PTPRN2: variants seen among roughly 807,000 people sequenced by gnomAD.
The protein encoded by PTPRN2 is receptor-type tyrosine-protein phosphatase N2.
PTPRN2 carries 74 observed loss-of-function variants against 118.8 expected under a neutral mutation model. The ratio of observed to expected loss-of-function variants is 0.62; its 90% CI spans 0.52 to 0.76. The LOEUF is 0.76. Among genes scored for constraint, PTPRN2 ranks in the 30% least tolerant of loss-of-function variants. PTPRN2 has a pLI of 0.00. For missense variants in PTPRN2, 1,481 were observed against 1,394.4 expected, an observed-to-expected ratio of 1.06 and a Z score of -0.99; for synonymous variants, 641 against 608.0, an observed-to-expected ratio of 1.05 and a Z score of -0.80.
At chr7:158,215,786 A>T (rs1028996786) in intron 3 of PTPRN2, among the ~76,000 whole-genome samples, 1 of 152,212 alleles carries the variant, frequency 6.6e-6, no homozygotes, top group East Asian at 1.9e-4. Context: ...CAGTGAAGTT[A>T]TCCTTCAGGA....
intron 11 of PTPRN2, among the ~76,000 whole-genome samples, chr7:157,981,895 A>C (rs1441295946): frequency 6.6e-6 from 1 of 152,264 alleles, no homozygotes; most frequent in Non-Finnish European, 1.5e-5. Context: ...TGCCACCTGG[A>C]GGTTGTTAGA....
At chr7:157,716,096 C>T (rs116224837) in intron 12 of PTPRN2, among the ~76,000 whole-genome samples, 4,453 of 152,332 alleles carry the variant, frequency 0.029, 195 homozygotes, top group African/African-American at 0.093. Flanking sequence ...AGCTCCCGGG[C>T]CATCCCTTTG....
chr7:157,822,493 T>C (rs1259756206), intron 12 of PTPRN2, among the ~76,000 whole-genome samples: 1 of 151,980 alleles, frequency 6.6e-6, no homozygotes, highest in Non-Finnish European at 1.5e-5. Flanking sequence ...CTATCCATCA[T>C]CCATCCACCT....
intron 2 of PTPRN2, among the ~76,000 whole-genome samples, chr7:158,404,799 C>T (rs1254003664): frequency 6.9e-6 from 1 of 145,706 alleles, no homozygotes; most frequent in Non-Finnish European, 1.5e-5. Context: ...CCTCCAGCTC[C>T]CTGGCCCCCA....
At chr7:158,030,149 T>A (rs569640448) in intron 11 of PTPRN2, 1 of 152,322 alleles carries the variant, frequency 6.6e-6, no homozygotes, top group East Asian at 1.9e-4. Context: ...TGTGACCAGG[T>A]CAGAGTGCAG....
At chr7:158,073,017 G>A (rs1812058237) in intron 11 of PTPRN2, among the ~76,000 whole-genome samples, 1 of 152,122 alleles carries the variant, frequency 6.6e-6, no homozygotes, top group East Asian at 1.9e-4. Flanking sequence ...CTACAGGGCA[G>A]GACTCCTGGG....
intron 2 of PTPRN2, among the ~76,000 whole-genome samples, chr7:158,469,656 A>G (rs1488343822): frequency 1.3e-5 from 2 of 151,522 alleles, no homozygotes; most frequent in Non-Finnish European, 2.9e-5. Flanking sequence ...GAGAACGACA[A>G]CAGCAAGATG....
chr7:158,286,647 T>C (rs1157810561), intron 3 of PTPRN2, among the ~76,000 whole-genome samples: 3 of 152,240 alleles, frequency 2.0e-5, no homozygotes, highest in South Asian at 4.1e-4. Context: ...ATGTGGCATA[T>C]CACATTAATA....
At chr7:158,243,208 G>A (rs907625605) in intron 3 of PTPRN2, among the ~76,000 whole-genome samples, 12 of 152,196 alleles carry the variant, frequency 7.9e-5, no homozygotes, top group African/African-American at 2.9e-4. Flanking sequence ...TGTGATCAGA[G>A]CAGACACAGC....
chr7:158,572,084 A>T (rs1009274822), intron 1 of PTPRN2, among the ~76,000 whole-genome samples: 1 of 152,194 alleles, frequency 6.6e-6, no homozygotes, highest in African/African-American at 2.4e-5. Flanking sequence ...AAGGTTCAGG[A>T]GCTTCTGGAA....
At chr7:157,562,696 TCAGGACCACATGCTCCCGC>T (rs1799252675) in intron 21 of PTPRN2, among the ~76,000 whole-genome samples, 1 of 149,378 alleles carries the variant, frequency 6.7e-6, no homozygotes, top group Non-Finnish European at 1.5e-5. Context: ...ACACAGCAGA[TCAGGACCACATGCTCCCGC>T]GTCACCACAC....
chr7:158,327,217 A>G (rs1803674321), intron 2 of PTPRN2, among the ~76,000 whole-genome samples: 1 of 151,956 alleles, frequency 6.6e-6, no homozygotes, highest in Non-Finnish European at 1.5e-5. Context: ...TCTCAAACAC[A>G]CACGTAAACA....
At chr7:157,759,057 T>G (rs1343643881) in intron 12 of PTPRN2, among the ~76,000 whole-genome samples, 1 of 152,246 alleles carries the variant, frequency 6.6e-6, no homozygotes, top group African/African-American at 2.4e-5. Flanking sequence ...AAAAGGCAAG[T>G]GACTCTATTA....
rs1249850797 is a variant in PTPRN2 at position 158,574,302 on chromosome 7, G to A, written c.112+13256C>T. ...TTTTAGTGAATACAAAGAAGTTTTT[G>A]TATCTTCAGCAAAATATTTTAATCA... is the stretch of plus-strand genomic sequence containing the variant. On this transcript the variant is annotated intron_variant, in intron 1 of 22. Transcript: ENST00000389418. This position sits in a 1 kb window ranked among gnomAD's most constrained non-coding sequence, Gnocchi z 4.6. 4.6e-5 allele frequency among the ~76,000 whole-genome samples: 7 copies of A among 152,156 alleles called. No individual in the cohort carries two copies. Among genetic ancestry groups the A allele is most frequent in the Non-Finnish European group, 8.8e-5 (6 of 68,010 alleles).
intron 2 of PTPRN2, among the ~76,000 whole-genome samples, chr7:158,354,585 G>A (rs1808245706): frequency 6.6e-6 from 1 of 152,172 alleles, no homozygotes; most frequent in Admixed American, 6.6e-5. Flanking sequence ...CCCAACAGCA[G>A]AGTGGCTTAA....
At chr7:157,718,065 G>A (rs1799019414) in intron 12 of PTPRN2, among the ~76,000 whole-genome samples, 1 of 152,226 alleles carries the variant, frequency 6.6e-6, no homozygotes. Flanking sequence ...GAGTGGTGAG[G>A]TCTCTCTTTT....
chr7:157,739,668 C>T (rs1434623114), intron 12 of PTPRN2, among the ~76,000 whole-genome samples: 2 of 152,210 alleles, frequency 1.3e-5, no homozygotes, highest in Non-Finnish European at 2.9e-5. Context: ...CAGGTGTGAC[C>T]AGACAAGGTT....
rs540380756 is a variant in PTPRN2, at chr7:158,340,870, C to A, written c.164-23938G>T. On this transcript the variant is annotated intron_variant, in intron 2 of 22. Transcript: ENST00000389418. ...AGCTGACACATGCAGACGTCACTCA[C>A]ACCCACACTCTCACCATAAGAGCTG... 2.2e-5 allele frequency among the ~76,000 whole-genome samples: 2 copies of A among 90,618 alleles called. 1 individual carries two copies. The highest frequency in any genetic ancestry group is 8.6e-5 in the African/African-American group (2 of 23,352). 59.4% of individuals were successfully genotyped at this position (90,618 alleles called of 152,430 possible). A position where few individuals can be genotyped will look rare whatever the true frequency, so the allele number is the denominator to read the frequency against.
intron 21 of PTPRN2, among the ~76,000 whole-genome samples, chr7:157,566,869 G>T (rs4716758): frequency 3.3e-5 from 5 of 152,166 alleles, no homozygotes; most frequent in Admixed American, 6.5e-5. Flanking sequence ...ACGCACGCTG[G>T]GGTCACCTGC....
Sources: gnomAD v4.1 joint callset for allele counts (sites outside exome capture counted in the v4.1 genomes callset) on GRCh38, gnomAD v4.1.1 for gene constraint, Gnocchi (gnomAD v3.1) non-coding constraint, MANE v1.5 for transcripts, NCBI Gene and HGNC (gene_info 2026-07-23, HGNC 2026-07-21) for gene names.